SESN1: variants seen among roughly 807,000 people sequenced by gnomAD.
SESN1 encodes sestrin 1.
Under a neutral mutation model 59.3 loss-of-function variants are expected in SESN1, and 30 were observed. That is an observed-to-expected ratio of 0.51 (90% CI 0.38 to 0.69). SESN1 has a LOEUF of 0.69. Among genes scored for constraint, SESN1 ranks in the 30% least tolerant of loss-of-function variants. The pLI is 0.00. For synonymous variants in SESN1, 197 were observed against 219.9 expected (o/e 0.90, Z 0.92); for missense variants, 566 against 673.0 (o/e 0.84, Z 1.76).
chr6:109,013,581 G>T (rs1779891845), intron 1 of SESN1, among the ~76,000 whole-genome samples: 1 of 152,176 alleles, frequency 6.6e-6, no homozygotes, highest in Non-Finnish European at 1.5e-5. Context: ...AGGTTAAAAG[G>T]CATAATCATA....
chr6:109,064,559 A>G (rs2114458185), intron 1 of SESN1, among the ~76,000 whole-genome samples: 1 of 124,640 alleles, frequency 8.0e-6, no homozygotes, highest in South Asian at 3.1e-4. Flanking sequence ...ATGAAAGAAG[A>G]GAAGAGAGGA....
intron 1 of SESN1, among the ~76,000 whole-genome samples, chr6:109,009,896 ACAG>A (rs907352971): frequency 6.6e-6 from 1 of 151,886 alleles, no homozygotes; most frequent in Non-Finnish European, 1.5e-5. Context: ...CTAGAACCAA[ACAG>A]CAGCCAACCT....
At chr6:109,079,741 ATGC>A (rs1358145063) in intron 1 of SESN1, among the ~76,000 whole-genome samples, 1 of 152,230 alleles carries the variant, frequency 6.6e-6, no homozygotes, top group African/African-American at 2.4e-5. Flanking sequence ...TATGAAATAA[ATGC>A]TGAATTATGA....
At chr6:109,008,934 TA>T (rs1210907176) in intron 1 of SESN1, 1 of 990,092 alleles carries the variant, frequency 1.0e-6, no homozygotes, top group Non-Finnish European at 1.2e-6. Flanking sequence ...GGTGGCTAAA[TA>T]ATCTGTTTTC....
At chr6:109,009,140 C>T (rs1779801510) in intron 1 of SESN1, among the ~76,000 whole-genome samples, 1 of 152,234 alleles carries the variant, frequency 6.6e-6, no homozygotes, top group Admixed American at 6.5e-5. Context: ...TCACGGTGCG[C>T]AGGTCTCCCA....
chr6:109,027,008 A>G (rs1780105790), intron 1 of SESN1, among the ~76,000 whole-genome samples: 1 of 152,038 alleles, frequency 6.6e-6, no homozygotes, highest in Non-Finnish European at 1.5e-5. Flanking sequence ...TGTCTCTACT[A>G]AAAATACTAA....
At chr6:109,063,642 TC>T (rs1208630407) in intron 1 of SESN1, among the ~76,000 whole-genome samples, 1 of 152,194 alleles carries the variant, frequency 6.6e-6, no homozygotes, top group Admixed American at 6.5e-5. Context: ...CTTTGCATTT[TC>T]CTATGTACCC....
chr6:109,021,075 C>T (rs1780004475), intron 1 of SESN1, among the ~76,000 whole-genome samples: 1 of 152,148 alleles, frequency 6.6e-6, no homozygotes, highest in Non-Finnish European at 1.5e-5. Context: ...CTCACAGCAG[C>T]CTCGAACTCT....
chr6:109,065,157 A>G (rs1246067065), intron 1 of SESN1, among the ~76,000 whole-genome samples: 1 of 151,912 alleles, frequency 6.6e-6, no homozygotes, highest in Non-Finnish European at 1.5e-5. Flanking sequence ...ATTATTTCCC[A>G]TTTTCACATC....
chr6:108,989,586 G>T lies in SESN1; in HGVS notation c.1425-899C>A, dbSNP rs944763952. ...CTAGATCTAGAGATATCTATATATAGAGAGAGATAGAGAGAGATAGATATC... is the reference window on the plus strand; with the variant it reads ...CTAGATCTAGAGATATCTATATATATAGAGAGATAGAGAGAGATAGATATC... On this transcript the variant is annotated intron_variant, in intron 8 of 9. Transcript: ENST00000436639. Among the ~76,000 whole-genome samples, 5 of 150,446 alleles carry T rather than the reference G, an allele frequency of 3.3e-5. No homozygotes were observed. In the South Asian group the frequency reaches 6.3e-4, roughly 19 times the overall value.
intron 5 of SESN1, among the ~76,000 whole-genome samples, chr6:108,995,544 T>C (rs1779486065): frequency 6.6e-6 from 1 of 152,216 alleles, no homozygotes; most frequent in African/African-American, 2.4e-5. Flanking sequence ...CTGGTTATAC[T>C]TCTATACCCT....
At chr6:109,030,558 G>A (rs1780168200) in intron 1 of SESN1, among the ~76,000 whole-genome samples, 1 of 152,044 alleles carries the variant, frequency 6.6e-6, no homozygotes, top group South Asian at 2.1e-4. Flanking sequence ...GGTGGGAATA[G>A]GTGAAAAAGA....
intron 1 of SESN1, among the ~76,000 whole-genome samples, chr6:109,015,678 AG>A (rs1276946789): frequency 6.6e-6 from 1 of 152,138 alleles, no homozygotes; most frequent in African/African-American, 2.4e-5. Context: ...GGTGAATGTG[AG>A]GGGGAAATGG....
chr6:109,037,746 G>A (rs1437331141), intron 1 of SESN1, among the ~76,000 whole-genome samples: 1 of 151,888 alleles, frequency 6.6e-6, no homozygotes, highest in Non-Finnish European at 1.5e-5. Context: ...ATTTACTAGA[G>A]TATATGGCTG....
chr6:109,025,002 T>C (rs1489041572), intron 1 of SESN1, among the ~76,000 whole-genome samples: 1 of 151,106 alleles, frequency 6.6e-6, no homozygotes, highest in African/African-American at 2.4e-5. Context: ...AGGGAGACAG[T>C]GAGCACTAAG....
At position 109,093,886 on chromosome 6, in the gene SESN1, T is replaced by C. The variant is rs1322918744; in HGVS notation, c.188A>G (p.Asn63Ser). The change falls in exon 1 of 10, where the codon AAT becomes AGT. Residue 63 changes from asparagine (N) to serine (S), a missense_variant. Physicochemically the swap from Asn to Ser is conservative, Grantham distance 46. Coordinates refer to ENST00000436639, the MANE Select transcript of SESN1 (RefSeq NM_014454.3). ...CATAAGCAGATGAGCAAGTAGCTTA[T>C]TCAACCCATCCGAAGACTCGGTATT... The part of the protein sequence containing the change: ...LSNTESSDGL[N>S]KLLAHLLMLS... The C allele has an allele frequency of 3.7e-6, 6 of 1,614,120 alleles. No homozygotes were observed. Among genetic ancestry groups the C allele is most frequent in the Non-Finnish European group, 5.1e-6 (6 of 1,180,050 alleles).
chr6:109,054,841 GTACT>G (rs1396079794), intron 1 of SESN1, among the ~76,000 whole-genome samples: 1 of 151,966 alleles, frequency 6.6e-6, no homozygotes, highest in South Asian at 2.1e-4. Context: ...ACTTTTTGAT[GTACT>G]TAATTTTTAT....
intron 7 of SESN1, among the ~76,000 whole-genome samples, chr6:108,991,726 A>C (rs1038276944): frequency 6.6e-6 from 1 of 152,094 alleles, no homozygotes; most frequent in Non-Finnish European, 1.5e-5. Flanking sequence ...TTTCCTAAAA[A>C]CACCTCTTTG....
intron 1 of SESN1, among the ~76,000 whole-genome samples, chr6:109,018,688 A>T (rs1779963353): frequency 6.6e-6 from 1 of 152,030 alleles, no homozygotes; most frequent in African/African-American, 2.4e-5. Flanking sequence ...GTTTGAAATC[A>T]TTTTTTTCAC....
Sources: allele counts gnomAD v4.1 joint callset (sites outside exome capture counted in the v4.1 genomes callset), GRCh38; gene constraint gnomAD v4.1.1; transcripts MANE v1.5; gene names NCBI Gene and HGNC (gene_info 2026-07-23, HGNC 2026-07-21).